The following NFIL3 variants were observed in gnomAD, a reference collection of about 807,000 sequenced individuals.
NFIL3 encodes nuclear factor interleukin-3-regulated protein.
NFIL3 carries 5 observed loss-of-function variants against 10.0 expected under a neutral mutation model. The ratio of observed to expected loss-of-function variants is 0.50; its 90% CI spans 0.26 to 1.06. NFIL3 has a LOEUF of 1.06. Among genes scored for constraint, NFIL3 ranks in the 50% least tolerant of loss-of-function variants. The pLI is 0.13. For synonymous variants in NFIL3, 202 were observed against 206.5 expected, an observed-to-expected ratio of 0.98 and a Z score of 0.19; for missense variants, 436 against 547.6, an observed-to-expected ratio of 0.80 and a Z score of 2.03.
At position 91,409,598 on chromosome 9, in the gene NFIL3, A is replaced by T. The variant is rs1162733827; in HGVS notation, c.1137T>A (p.Thr379=). 6.2e-7 allele frequency: 1 copy of T among 1,614,260 alleles called. No individual in the cohort carries two copies. Among genetic ancestry groups the T allele is most frequent in the Non-Finnish European group, 8.5e-7 (1 of 1,180,048 alleles). ...TGTTAGTCACTTGCACTGAGAAAGG[A>T]GTAAGAGAAGAATGTACCATACTTG... The part of the protein sequence containing the change: ...SAPSMVHSSL[T]PFSVQVTNIQ... Residue 379 remains threonine, a synonymous_variant, in exon 2 of 2, where the codon ACT becomes ACA. Coordinates refer to ENST00000297689, the MANE Select transcript of NFIL3 (RefSeq NM_005384.3).
intron 1 of NFIL3, among the ~76,000 whole-genome samples, chr9:91,420,356 C>T (rs909838569): frequency 1.6e-4 from 16 of 99,882 alleles, no homozygotes; most frequent in African/African-American, 6.7e-4. Context: ...GGTAAATACA[C>T]ACACACACAC....
chr9:91,467,752 G>A, the NFIL3 span, among the ~76,000 whole-genome samples: 3,887 of 142,652 alleles, frequency 0.027, 89 homozygotes, highest in East Asian at 0.099. Context: ...TGTTCTCATT[G>A]TTCAATTCCC....
chr9:91,454,188 G>GACAGCA, the NFIL3 span, among the ~76,000 whole-genome samples: 1 of 149,820 alleles, frequency 6.7e-6, no homozygotes, highest in East Asian at 2.0e-4. Context: ...GAGCCAAGAT[G>GACAGCA]GCACCACTAC....
At chr9:91,433,629 C>T in the NFIL3 span, among the ~76,000 whole-genome samples, 4 of 152,290 alleles carry the variant, frequency 2.6e-5, no homozygotes, top group South Asian at 2.1e-4. Flanking sequence ...ATGAGGGAAG[C>T]GTCAATATCA....
the NFIL3 span, among the ~76,000 whole-genome samples, chr9:91,442,731 G>C: frequency 6.6e-6 from 1 of 152,182 alleles, no homozygotes; most frequent in Non-Finnish European, 1.5e-5. Context: ...ATCTGGACGA[G>C]AGGGACATGG....
chr9:91,424,425 G>A (rs1050810246), upstream of NFIL3, among the ~76,000 whole-genome samples: 5 of 152,208 alleles, frequency 3.3e-5, no homozygotes, highest in Admixed American at 2.0e-4. Context: ...GTGGGCAGGA[G>A]GGAAGGCGGG....
At chr9:91,444,467 G>A in the NFIL3 span, among the ~76,000 whole-genome samples, 5 of 152,044 alleles carry the variant, frequency 3.3e-5, no homozygotes, top group South Asian at 1.0e-3. Flanking sequence ...AAGAATTGTT[G>A]TGTTCCTTTG....
intron 1 of NFIL3, among the ~76,000 whole-genome samples, chr9:91,415,474 A>G (rs1025031626): frequency 6.6e-6 from 1 of 152,158 alleles, no homozygotes; most frequent in Admixed American, 6.5e-5. Context: ...ACTCTCTCCT[A>G]CACTTTCACA....
At chr9:91,420,425 T>C (rs1344915783) in intron 1 of NFIL3, among the ~76,000 whole-genome samples, 1 of 151,288 alleles carries the variant, frequency 6.6e-6, no homozygotes, top group Non-Finnish European at 1.5e-5. Context: ...ACAGGAAACA[T>C]TTATTGAACT....
chr9:91,440,108 T>C, the NFIL3 span, among the ~76,000 whole-genome samples: 1 of 152,166 alleles, frequency 6.6e-6, no homozygotes, highest in East Asian at 1.9e-4. Flanking sequence ...CCTCTTTGAA[T>C]GTTTGGTAGA....
chr9:91,424,397 G>A (rs1833841355), upstream of NFIL3, among the ~76,000 whole-genome samples: 1 of 152,206 alleles, frequency 6.6e-6, no homozygotes, highest in Non-Finnish European at 1.5e-5. Context: ...ACTCCCGAGA[G>A]GAGCCCTCTA....
chr9:91,471,185 C>T, the NFIL3 span, among the ~76,000 whole-genome samples: 155 of 152,084 alleles, frequency 1.0e-3, no homozygotes, highest in African/African-American at 3.4e-3. Context: ...AAGGACTTGC[C>T]TTATGAATCT....
At chr9:91,468,681 T>G in the NFIL3 span, among the ~76,000 whole-genome samples, 10 of 152,264 alleles carry the variant, frequency 6.6e-5, no homozygotes, top group Non-Finnish European at 1.3e-4. Context: ...GTCTAACATT[T>G]AAGTCTTTAA....
chr9:91,417,833 C>T (rs1036116864), intron 1 of NFIL3, among the ~76,000 whole-genome samples: 3 of 152,190 alleles, frequency 2.0e-5, no homozygotes, highest in Admixed American at 6.5e-5. Flanking sequence ...CTCTCGCACA[C>T]TGCCAGAATC....
the NFIL3 span, among the ~76,000 whole-genome samples, chr9:91,449,320 TATA>T: frequency 6.6e-6 from 1 of 152,138 alleles, no homozygotes; most frequent in East Asian, 1.9e-4. Flanking sequence ...TGCCATAGAG[TATA>T]ATGTTAGCTG....
the NFIL3 span, among the ~76,000 whole-genome samples, chr9:91,456,965 G>T: frequency 6.6e-6 from 1 of 151,918 alleles, no homozygotes; most frequent in Non-Finnish European, 1.5e-5. Flanking sequence ...AAGTGTCCCA[G>T]CACTGTTTGT....
At chr9:91,478,440 T>G in the NFIL3 span, among the ~76,000 whole-genome samples, 1 of 151,958 alleles carries the variant, frequency 6.6e-6, no homozygotes, top group Admixed American at 6.6e-5. Flanking sequence ...CTTGATTGAT[T>G]TGGCTATTGG....
chr9:91,416,060 T>C (rs965259947), intron 1 of NFIL3, among the ~76,000 whole-genome samples: 1 of 152,222 alleles, frequency 6.6e-6, no homozygotes, highest in Admixed American at 6.5e-5. Context: ...TTAATTTTCA[T>C]ATCTTTACTA....
At chr9:91,478,322 A>G in the NFIL3 span, among the ~76,000 whole-genome samples, 4 of 152,012 alleles carry the variant, frequency 2.6e-5, no homozygotes, top group African/African-American at 9.7e-5. Flanking sequence ...ACATAGTCCC[A>G]TATTTCTTGG....
Sources: allele counts gnomAD v4.1 joint callset (sites outside exome capture counted in the v4.1 genomes callset), GRCh38; gene constraint gnomAD v4.1.1; transcripts MANE v1.5; gene names NCBI Gene and HGNC (gene_info 2026-07-23, HGNC 2026-07-21).